Variants in ADAMTS2 observed in about 807,000 individuals in gnomAD.
ADAMTS2 encodes the protein ADAM metallopeptidase with thrombospondin type 1 motif 2.
In ADAMTS2, 50 loss-of-function variants were observed where a neutral mutation model predicts 123.0. That is an observed-to-expected ratio of 0.41 (90% CI 0.32 to 0.51). The LOEUF is 0.51. Ranked by LOEUF, ADAMTS2 falls within the 20% of genes least tolerant of loss-of-function variation. The pLI is 0.35. For synonymous variants in ADAMTS2, 678 were observed against 695.4 expected, an observed-to-expected ratio of 0.98 and a Z score of 0.39; for missense variants, 1,494 against 1,705.2, an observed-to-expected ratio of 0.88 and a Z score of 2.18.
At chr5:179,287,836 C>T (rs902094962) in intron 2 of ADAMTS2, among the ~76,000 whole-genome samples, 9 of 152,220 alleles carry the variant, frequency 5.9e-5, no homozygotes, top group African/African-American at 2.2e-4. Context: ...ACACACTACC[C>T]GACGGACGTC....
chr5:179,140,861 A>G (rs753530800), intron 10 of ADAMTS2, among the ~76,000 whole-genome samples: 54 of 130,350 alleles, frequency 4.1e-4, no homozygotes, highest in Middle Eastern at 0.011. Flanking sequence ...GAGTGCAGTG[A>G]CGATCTTGGC....
intron 2 of ADAMTS2, among the ~76,000 whole-genome samples, chr5:179,338,111 C>T (rs1757671279): frequency 6.6e-6 from 1 of 152,218 alleles, no homozygotes; most frequent in Non-Finnish European, 1.5e-5. Flanking sequence ...GAAACATACC[C>T]AGCCACACAA....
chr5:179,299,621 C>A (rs1374369151), intron 2 of ADAMTS2, among the ~76,000 whole-genome samples: 1 of 151,116 alleles, frequency 6.6e-6, no homozygotes, highest in African/African-American at 2.4e-5. Flanking sequence ...GGGCTAAAAT[C>A]AAGGTGTGGG....
intron 2 of ADAMTS2, among the ~76,000 whole-genome samples, chr5:179,299,530 A>AACACACACACACACACACAC (rs3986821): frequency 0.01 from 1,223 of 120,464 alleles, 14 homozygotes; most frequent in Middle Eastern, 0.032. Flanking sequence ...CTCCAACTCA[A>AACACACACACACACACACAC]ACACACACAC....
rs1301826670 is a variant in ADAMTS2, at chr5:179,332,329, T to C, written c.534+11438A>G. Among the ~76,000 whole-genome samples the C allele has an allele frequency of 6.6e-6, 1 of 152,106 alleles. No homozygotes were observed. Among genetic ancestry groups the C allele is most frequent in the Admixed American group, 6.5e-5 (1 of 15,276 alleles). On this transcript the variant is annotated intron_variant, in intron 2 of 21. Coordinates refer to ENST00000251582, the MANE Select transcript of ADAMTS2 (RefSeq NM_014244.5). The surrounding 1 kb of genome is among the most constrained non-coding windows in gnomAD (Gnocchi z 4.2). ...CCAACCCAAAGCTCTCCAAACCTTGTCATTTAGGGGTTTTCATGGAAGTTC... is the reference window on the plus strand; with the variant it reads ...CCAACCCAAAGCTCTCCAAACCTTGCCATTTAGGGGTTTTCATGGAAGTTC...
intron 10 of ADAMTS2, chr5:179,151,102 A>C: frequency 2.7e-6 from 1 of 375,376 alleles, no homozygotes; most frequent in Middle Eastern, 3.6e-4. Context: ...TTGCCATGTT[A>C]ACCAGACTTG....
intron 5 of ADAMTS2, among the ~76,000 whole-genome samples, chr5:179,177,369 G>C (rs1324899803): frequency 6.6e-6 from 1 of 152,168 alleles, no homozygotes; most frequent in African/African-American, 2.4e-5. Context: ...TCTGTACTTT[G>C]TCCTGACGGG....
intron 2 of ADAMTS2, among the ~76,000 whole-genome samples, chr5:179,289,617 T>C (rs1056276882): frequency 6.6e-6 from 1 of 152,040 alleles, no homozygotes; most frequent in Non-Finnish European, 1.5e-5. Context: ...AGTGGTTTGC[T>C]CATCAAGCCA....
chr5:179,188,916 C>T lies in ADAMTS2; in HGVS notation c.892-7761G>A, dbSNP rs905053125. Among the ~76,000 whole-genome samples the T allele has an allele frequency of 6.6e-6, 1 of 152,176 alleles. No homozygotes were observed. Among genetic ancestry groups the T allele is most frequent in the Non-Finnish European group, 1.5e-5 (1 of 68,042 alleles). Reference sequence around the variant, plus strand: ...CACGTTGAGAAGACAGGTCGCATTACAAACCTTCCCGGGTTTGTACTAACG... The same window carrying T: ...CACGTTGAGAAGACAGGTCGCATTATAAACCTTCCCGGGTTTGTACTAACG... On this transcript the variant is annotated intron_variant, in intron 4 of 21. Transcript: ENST00000251582. This position sits in a 1 kb window ranked among gnomAD's most constrained non-coding sequence, Gnocchi z 5.1.
At chr5:179,146,487 C>T (rs1004312801) in intron 10 of ADAMTS2, among the ~76,000 whole-genome samples, 12 of 152,176 alleles carry the variant, frequency 7.9e-5, no homozygotes, top group East Asian at 1.9e-4. Context: ...TTGCCGTGGA[C>T]GCCCTGACTG....
At chr5:179,237,584 A>G (rs1056278427) in intron 3 of ADAMTS2, among the ~76,000 whole-genome samples, 4 of 152,204 alleles carry the variant, frequency 2.6e-5, no homozygotes, top group African/African-American at 9.6e-5. Context: ...GCGTCAGTTA[A>G]GCGGTGCTGC....
intron 5 of ADAMTS2, among the ~76,000 whole-genome samples, chr5:179,174,070 T>C (rs922955409): frequency 3.9e-5 from 6 of 151,978 alleles, no homozygotes; most frequent in Non-Finnish European, 8.8e-5. Flanking sequence ...TGATAAATAT[T>C]GCTACATTTC....
intron 6 of ADAMTS2, among the ~76,000 whole-genome samples, chr5:179,156,648 G>A (rs1172958490): frequency 4.0e-5 from 6 of 151,722 alleles, no homozygotes; most frequent in Admixed American, 1.3e-4. Flanking sequence ...GTGAGCCACC[G>A]CGCCCCGTCT....
In ADAMTS2 at chr5:179,115,676, A is replaced by AAGGAAGAAAGGG. The variant is rs1367013681; in HGVS notation, c.3179-1364_3179-1353dup. Among the ~76,000 whole-genome samples, 2 of 151,730 alleles carry AAGGAAGAAAGGG rather than the reference A, an allele frequency of 1.3e-5. No homozygotes were observed. Among genetic ancestry groups the AAGGAAGAAAGGG allele is most frequent in the Non-Finnish European group, 2.9e-5 (2 of 67,976 alleles). ...AAAAAGGAAAGGGAGGGAGGGACAA[A>AAGGAAGAAAGGG]AGGAAGAAAGGGAGGAGGAAAGGGA... On this transcript the variant is annotated intron_variant, in intron 21 of 21. Coordinates refer to ENST00000251582, the MANE Select transcript of ADAMTS2 (RefSeq NM_014244.5). The surrounding 1 kb of genome is among the most constrained non-coding windows in gnomAD (Gnocchi z 4.4).
At chr5:179,203,325 T>C (rs1377477393) in intron 4 of ADAMTS2, among the ~76,000 whole-genome samples, 1 of 152,226 alleles carries the variant, frequency 6.6e-6, no homozygotes, top group African/African-American at 2.4e-5. Flanking sequence ...GGGCTCTGGA[T>C]GTGCCGTTGC....
At chr5:179,344,360 G>A (rs1250581562) in intron 1 of ADAMTS2, among the ~76,000 whole-genome samples, 199 bp from the exon 2 acceptor site, 2 of 152,162 alleles carry the variant, frequency 1.3e-5, no homozygotes, top group African/African-American at 4.8e-5. Context: ...CACCACTCCG[G>A]GGCTCCGCCA....
rs778078191 is a variant in ADAMTS2, at chr5:179,113,739, T to A, written c.*128A>T. ...CCTATCTTTCTTACGTCATTCCCCC[T>A]CTTTGTTTTCTCAAAACCTTTTGGA... On this transcript the variant is annotated 3_prime_UTR_variant, in exon 22 of 22. Transcript: ENST00000251582. 10 of 951,404 alleles carry A rather than the reference T, an allele frequency of 1.1e-5. No individual in the cohort carries two copies. The highest frequency in any genetic ancestry group is 1.5e-5 in the Non-Finnish European group (9 of 603,352). The allele number at this position is 951,404 out of a possible 1,614,324, so 58.9% of individuals were successfully genotyped here. A position where few individuals can be genotyped will look rare whatever the true frequency, so the allele number is the denominator to read the frequency against.
Position 179,158,975 on chromosome 5 carries a change from T to C in ADAMTS2, c.976-96A>G. On this transcript the variant is annotated intron_variant, in intron 5 of 21. Transcript: ENST00000251582. This position sits in a 1 kb window ranked among gnomAD's most constrained non-coding sequence, Gnocchi z 5.0. Reference sequence around the variant, plus strand: ...TGTAGTGTTGACAGACCCCATCCACTGGGAATCTGTTCCAGGTGGTACAAA... The same window carrying C: ...TGTAGTGTTGACAGACCCCATCCACCGGGAATCTGTTCCAGGTGGTACAAA... 1 of 1,472,736 alleles carries C rather than the reference T, an allele frequency of 6.8e-7. No homozygotes were observed. 91.2% of individuals were successfully genotyped at this position (1,472,736 alleles called of 1,614,324 possible).
intron 4 of ADAMTS2, among the ~76,000 whole-genome samples, chr5:179,200,913 A>C (rs571062491): frequency 6.6e-6 from 1 of 152,368 alleles, no homozygotes; most frequent in East Asian, 1.9e-4. Flanking sequence ...GACTCTTCAG[A>C]TGAATAAAAC....
Sources: gnomAD v4.1 joint callset for allele counts (sites outside exome capture counted in the v4.1 genomes callset) on GRCh38, gnomAD v4.1.1 for gene constraint, Gnocchi (gnomAD v3.1) non-coding constraint, MANE v1.5 for transcripts, NCBI Gene and HGNC (gene_info 2026-07-23, HGNC 2026-07-21) for gene names.